Variants in MBNL3 observed in about 807,000 individuals in gnomAD.
MBNL3 encodes the protein muscleblind-like protein 3.
In MBNL3, 6 loss-of-function variants were observed where a neutral mutation model predicts 24.5. The observed-to-expected ratio is 0.25, with a 90% CI of 0.13 to 0.48. MBNL3 has a LOEUF of 0.48. Ranked by LOEUF, MBNL3 falls within the 20% of genes least tolerant of loss-of-function variation. The pLI is 0.99. For missense variants in MBNL3, 230 were observed against 293.5 expected, an observed-to-expected ratio of 0.78 and a Z score of 1.58; for synonymous variants, 100 against 101.7, an observed-to-expected ratio of 0.98 and a Z score of 0.10.
chrX:132,439,463 C>T lies in MBNL3; in HGVS notation c.149G>A (p.Arg50His), dbSNP rs749180555. 1.7e-5 allele frequency: 21 copies of T among 1,203,205 alleles called. No individual in the cohort carries two copies. In the Admixed American group the frequency reaches 3.6e-4, roughly 20 times the overall value. The change falls in exon 2 of 9, where the codon CGT becomes CAT. Residue 50 changes from arginine to histidine, a missense_variant. Arg to His is a conservative substitution (Grantham distance 29). Transcript: ENST00000370853. ...TAGAGAATCAAAACAGGCCACCACA[C>T]GACCATTTTCCACATGGCAAACTCT... is the stretch of plus-strand genomic sequence containing the variant. Reference protein sequence around the residue: ...PPRVCHVENGRVVACFDSLKG... With the variant: ...PPRVCHVENGHVVACFDSLKG...
chrX:132,436,755 A>G (rs1305890413), intron 2 of MBNL3, among the ~76,000 whole-genome samples: 1 of 112,420 alleles, frequency 8.9e-6, no homozygotes, highest in Non-Finnish European at 1.9e-5. Context: ...GATAAGAACT[A>G]CAAAGCTCTT....
At chrX:132,479,569 T>C (rs950436890) in intron 1 of MBNL3, among the ~76,000 whole-genome samples, 3 of 112,431 alleles carry the variant, frequency 2.7e-5, no homozygotes, top group Non-Finnish European at 5.6e-5. Flanking sequence ...ATACGGTTTA[T>C]TTGTGGAACA....
chrX:132,453,617 T>C (rs1946222189), intron 1 of MBNL3, among the ~76,000 whole-genome samples: 1 of 112,161 alleles, frequency 8.9e-6, no homozygotes, highest in African/African-American at 3.2e-5. Context: ...ATCTCTATAA[T>C]AGAAATTCCT....
chrX:132,404,171 C>G (rs1317016864), intron 3 of MBNL3, among the ~76,000 whole-genome samples: 2 of 111,864 alleles, frequency 1.8e-5, no homozygotes, highest in Non-Finnish European at 3.8e-5. Context: ...CATCTCATTT[C>G]ACAATGTATA....
intron 3 of MBNL3, among the ~76,000 whole-genome samples, chrX:132,396,616 A>C (rs188644402): frequency 0.019 from 662 of 34,988 alleles, 9 homozygotes; most frequent in Non-Finnish European, 0.02. Context: ...ATATATATTC[A>C]TATATATATT....
rs751006249 is a variant in MBNL3, at chrX:132,449,464, C to CTTTTT, written c.-703-9155_-703-9151dup. On this transcript the variant is annotated intron_variant, in intron 1 of 8. Coordinates refer to ENST00000370853, the MANE Select transcript of MBNL3 (RefSeq NM_001386889.1). ...TCAGAGACTAGGATTGCAACCCCTGCTTTTTTTTTTTTTTTTTTTTTTTGC... is the reference window on the plus strand; with the variant it reads ...TCAGAGACTAGGATTGCAACCCCTGCTTTTTTTTTTTTTTTTTTTTTTTTTTTTGC... 3.5e-3 allele frequency among the ~76,000 whole-genome samples: 103 copies of CTTTTT among 29,761 alleles called. 2 individuals carry two copies. Among genetic ancestry groups the CTTTTT allele is most frequent in the African/African-American group, 9.2e-3 (41 of 4,470 alleles). 25.8% of individuals were successfully genotyped at this position (29,761 alleles called of 115,157 possible).
At chrX:132,401,049 C>A (rs757508992) in intron 3 of MBNL3, among the ~76,000 whole-genome samples, 2 of 111,872 alleles carry the variant, frequency 1.8e-5, no homozygotes, top group Admixed American at 1.9e-4. Context: ...TGCTGCAGAA[C>A]CTTCATTAAA....
At position 132,373,245 on chromosome X, in the gene MBNL3, G is replaced by GT. The variant is rs1199935164; in HGVS notation, c.*6420dup. The stretch of plus-strand genomic sequence containing the variant: ...GTGATTTTTCCTGACTTAAAATGTC[G>GT]TATCTCTATTGACCTTAGAAAAATA... On this transcript the variant is annotated 3_prime_UTR_variant, in exon 9 of 9. Transcript: ENST00000370853. 8.1e-5 allele frequency: 9 copies of GT among 111,105 alleles called. No individual in the cohort carries two copies. The highest frequency in any genetic ancestry group is 2.6e-4 in the African/African-American group (8 of 30,572). 9.2% of individuals were successfully genotyped at this position (111,105 alleles called of 1,213,427 possible).
At position 132,417,682 on chromosome X, in the gene MBNL3, T is replaced by C. The variant is rs191050235; in HGVS notation, c.178-11290A>G. On this transcript the variant is annotated intron_variant, in intron 2 of 8. Coordinates refer to ENST00000370853, the MANE Select transcript of MBNL3 (RefSeq NM_001386889.1). ...CTTTTAATTAGCGGAATCCTTATTT[T>C]GGTGAAGAAAAATAAATAAAATAAA... Among the ~76,000 whole-genome samples, 24 of 111,624 alleles carry C rather than the reference T, an allele frequency of 2.2e-4. No homozygotes were observed. The East Asian group carries it at 6.4e-3, about 30-fold the overall frequency.
intron 2 of MBNL3, among the ~76,000 whole-genome samples, chrX:132,411,716 T>A (rs976454810): frequency 9.0e-6 from 1 of 111,579 alleles, no homozygotes; most frequent in African/African-American, 3.3e-5. Context: ...GTACTCAGTT[T>A]TATCGTAGCT....
intron 2 of MBNL3, among the ~76,000 whole-genome samples, chrX:132,410,499 A>G (rs1942571853): frequency 8.9e-6 from 1 of 111,816 alleles, no homozygotes; most frequent in Admixed American, 9.5e-5. Flanking sequence ...GAAAAAAAAA[A>G]TCCTAAATAT....
At chrX:132,415,227 C>T (rs1245406094) in intron 2 of MBNL3, among the ~76,000 whole-genome samples, 1 of 112,133 alleles carries the variant, frequency 8.9e-6, no homozygotes, top group Non-Finnish European at 1.9e-5. Flanking sequence ...ATTGGGCAAT[C>T]TCCTCAATTC....
chrX:132,392,313 A>C lies in MBNL3; in HGVS notation c.364T>G (p.Ser122Ala), dbSNP rs143444532. The C allele has an allele frequency of 9.8e-4, 1,173 of 1,202,506 alleles. 1 individual carries two copies. Among genetic ancestry groups the C allele is most frequent in the Non-Finnish European group, 1.2e-3 (1,078 of 891,869 alleles). ...GCCATGGGAGGATTAGCTGGAATTG[A>C]TGGAGTCATAGGAAAAGAACCCTGT... ...SSLGSFPMTP[S>A]IPANPPMAFN... Residue 122 changes from serine to alanine, a missense_variant, in exon 4 of 9, where the codon TCA becomes GCA. Transcript: ENST00000370853.
chrX:132,392,374 G>C (rs1333604816), intron 3 of MBNL3, 40 bp from the exon 4 acceptor site: 1 of 1,025,261 alleles, frequency 9.8e-7, no homozygotes, highest in East Asian at 3.2e-5. Flanking sequence ...TAGAGGTAAA[G>C]ATTCTTCCTG....
intron 1 of MBNL3, among the ~76,000 whole-genome samples, chrX:132,455,722 G>A (rs1235982984): frequency 8.9e-6 from 1 of 111,982 alleles, no homozygotes; most frequent in Non-Finnish European, 1.9e-5. Context: ...TTTATTGACA[G>A]CTCATATTCA....
At chrX:132,452,768 A>G (rs1284250383) in intron 1 of MBNL3, among the ~76,000 whole-genome samples, 1 of 113,025 alleles carries the variant, frequency 8.8e-6, no homozygotes, top group Non-Finnish European at 1.9e-5. Context: ...GGGAATTAGT[A>G]TAACCTTAAG....
chrX:132,432,304 T>C (rs747048495), intron 2 of MBNL3: 1 of 111,717 alleles, frequency 9.0e-6, no homozygotes, highest in Non-Finnish European at 1.9e-5. Flanking sequence ...TTAAACTTTT[T>C]CATTGAGTAT....
At chrX:132,383,045 T>A (rs1402515064) in intron 7 of MBNL3, among the ~76,000 whole-genome samples, 2 of 112,457 alleles carry the variant, frequency 1.8e-5, no homozygotes, top group African/African-American at 6.5e-5. Context: ...CCTTTTCTAG[T>A]TTCTATCTCA....
At chrX:132,386,178 G>T (rs975588382) in intron 6 of MBNL3, among the ~76,000 whole-genome samples, 4 of 112,056 alleles carry the variant, frequency 3.6e-5, no homozygotes, top group African/African-American at 1.3e-4. Context: ...ACTGATTCAG[G>T]AGTTACAGGC....
Sources: allele counts gnomAD v4.1 joint callset (sites outside exome capture counted in the v4.1 genomes callset), GRCh38; gene constraint gnomAD v4.1.1; transcripts MANE v1.5; gene names NCBI Gene and HGNC (gene_info 2026-07-23, HGNC 2026-07-21).